Variants in PRKN observed in about 807,000 individuals in gnomAD.
The protein encoded by PRKN is E3 ubiquitin-protein ligase parkin.
Under a neutral mutation model 59.5 loss-of-function variants are expected in PRKN, and 56 were observed. The observed-to-expected ratio is 0.94, with a 90% CI of 0.76 to 1.18. The LOEUF (loss-of-function observed/expected upper bound fraction) is 1.18. Among genes scored for constraint, PRKN ranks in the 50% most tolerant of loss-of-function variants. The probability of loss-of-function intolerance (pLI) is 0.00; values close to 1 mark genes in which losing one functional copy is unlikely to be tolerated. For synonymous variants in PRKN, 250 were observed against 222.1 expected (o/e 1.13, Z -1.12); for missense variants, 657 against 596.4 (o/e 1.10, Z -1.06).
intron 5 of PRKN, among the ~76,000 whole-genome samples, chr6:161,997,420 C>A (rs1464580731): frequency 6.6e-6 from 1 of 152,044 alleles, no homozygotes. Flanking sequence ...ACATCATTTA[C>A]AACTTGTGGG....
Position 161,402,767 on chromosome 6 carries a change from C to T in PRKN, c.1084-15890G>A, listed in dbSNP as rs1459433045. ...TGAGGGGGAGGAGGTTAGAGGAGGG[C>T]AAGGAGAGGAATTGTATGGTGAATA... On this transcript the variant is annotated intron_variant, in intron 9 of 11. Transcript: ENST00000366898. This position sits in a 1 kb window ranked among gnomAD's most constrained non-coding sequence, Gnocchi z 4.5. Among the ~76,000 whole-genome samples, 6 of 151,684 alleles carry T rather than the reference C, an allele frequency of 4.0e-5. No individual in the cohort carries two copies. Among genetic ancestry groups the T allele is most frequent in the African/African-American group, 7.3e-5 (3 of 41,276 alleles).
chr6:162,196,261 C>T (rs1784493545), intron 4 of PRKN, among the ~76,000 whole-genome samples: 1 of 152,126 alleles, frequency 6.6e-6, no homozygotes, highest in Non-Finnish European at 1.5e-5. Flanking sequence ...TCAAATTAAC[C>T]TTACCAGCCC....
chr6:161,641,143 G>A (rs868507173), intron 7 of PRKN, among the ~76,000 whole-genome samples: 3 of 152,186 alleles, frequency 2.0e-5, no homozygotes, highest in Non-Finnish European at 4.4e-5. Context: ...AAACAAAGAC[G>A]GTAACAGCCC....
intron 4 of PRKN, among the ~76,000 whole-genome samples, chr6:162,157,109 C>A (rs74324352): frequency 6.6e-6 from 1 of 151,870 alleles, no homozygotes; most frequent in Non-Finnish European, 1.5e-5. Context: ...TAAAAAAAAA[C>A]TACTGGCAAG....
At chr6:162,209,342 C>T (rs1315265076) in intron 3 of PRKN, among the ~76,000 whole-genome samples, 1 of 152,122 alleles carries the variant, frequency 6.6e-6, no homozygotes, top group Non-Finnish European at 1.5e-5. Flanking sequence ...AGCCAACAGA[C>T]ACATGAAAAA....
intron 7 of PRKN, among the ~76,000 whole-genome samples, chr6:161,683,405 C>G (rs1314452790): frequency 8.5e-5 from 13 of 152,176 alleles, no homozygotes. Flanking sequence ...AAGCAATTTC[C>G]ATTCTAATTG....
intron 2 of PRKN, among the ~76,000 whole-genome samples, chr6:162,409,065 G>C (rs997878432): frequency 3.9e-5 from 6 of 151,996 alleles, no homozygotes; most frequent in African/African-American, 1.5e-4. Context: ...CACAAATAAA[G>C]GAACGATTTG....
intron 2 of PRKN, among the ~76,000 whole-genome samples, chr6:162,329,126 G>C (rs1783452197): frequency 6.6e-6 from 1 of 152,144 alleles, no homozygotes; most frequent in South Asian, 2.1e-4. Context: ...TTTTATTGTA[G>C]ACAAAATAAC....
chr6:162,439,936 A>G (rs1314299155), intron 2 of PRKN, among the ~76,000 whole-genome samples: 1 of 152,186 alleles, frequency 6.6e-6, no homozygotes, highest in African/African-American at 2.4e-5. Context: ...AGATAAAAGT[A>G]TACATGAGTT....
intron 1 of PRKN, among the ~76,000 whole-genome samples, chr6:162,643,375 GTGACAGAGCAAGACTC>G (rs1245514899): frequency 1.7e-5 from 2 of 116,880 alleles, no homozygotes; most frequent in Non-Finnish European, 3.2e-5. Flanking sequence ...TCCAGCCTGG[GTGACAGAGCAAGACTC>G]TGCCTCAAAA....
chr6:162,412,880 GA>G (rs1252815006), intron 2 of PRKN, among the ~76,000 whole-genome samples: 3 of 151,918 alleles, frequency 2.0e-5, no homozygotes, highest in Non-Finnish European at 4.4e-5. Flanking sequence ...TTACAGGACT[GA>G]AAAAAAGAGC....
rs1562458753 is a variant in PRKN, at chr6:162,011,363, T to TATATATAATATATTATATATTTATA, written c.619-37971_619-37947dup. ...TATATATTATAATATATATTTATAA[T>TATATATAATATATTATATATTTATA]ATATATAATATATTATATATTTATA... On this transcript the variant is annotated intron_variant, in intron 5 of 11. Coordinates refer to ENST00000366898, the MANE Select transcript of PRKN (RefSeq NM_004562.3). 4.3e-4 allele frequency among the ~76,000 whole-genome samples: 6 copies of TATATATAATATATTATATATTTATA among 13,986 alleles called. 1 individual carries two copies. Among genetic ancestry groups the TATATATAATATATTATATATTTATA allele is most frequent in the African/African-American group, 1.9e-3 (5 of 2,670 alleles). The allele number at this position is 13,986 out of a possible 152,430, so 9.2% of individuals were successfully genotyped here.
At chr6:162,245,683 A>G (rs1562609969) in intron 3 of PRKN, among the ~76,000 whole-genome samples, 1 of 152,080 alleles carries the variant, frequency 6.6e-6, no homozygotes, top group Non-Finnish European at 1.5e-5. Context: ...GAAATCTGCA[A>G]CCGGGGTTCT....
At chr6:162,529,606 G>A (rs957458762) in intron 1 of PRKN, among the ~76,000 whole-genome samples, 1 of 152,076 alleles carries the variant, frequency 6.6e-6, no homozygotes, top group Non-Finnish European at 1.5e-5. Context: ...CATTTAATAG[G>A]GACTTACGGA....
At chr6:162,560,611 A>G (rs1214079161) in intron 1 of PRKN, among the ~76,000 whole-genome samples, 2 of 152,186 alleles carry the variant, frequency 1.3e-5, no homozygotes, top group Non-Finnish European at 2.9e-5. Context: ...AACTAATGTC[A>G]TAACACCCTT....
Position 161,460,043 on chromosome 6 carries a change from C to A in PRKN, c.1084-73166G>T, listed in dbSNP as rs1790134529. On this transcript the variant is annotated intron_variant, in intron 9 of 11. Coordinates refer to ENST00000366898, the MANE Select transcript of PRKN (RefSeq NM_004562.3). The surrounding 1 kb of genome is among the most constrained non-coding windows in gnomAD (Gnocchi z 5.0). ...CCATCCATCCATCCATTCATCCAACCATTCAACTTTTAATGTGTCCCCACA... is the reference window on the plus strand; with the variant it reads ...CCATCCATCCATCCATTCATCCAACAATTCAACTTTTAATGTGTCCCCACA... 6.6e-6 allele frequency among the ~76,000 whole-genome samples: 1 copy of A among 152,172 alleles called. No homozygotes were observed. The highest frequency in any genetic ancestry group is 2.4e-5 in the African/African-American group (1 of 41,428).
chr6:162,618,013 C>T (rs2846530), intron 1 of PRKN, among the ~76,000 whole-genome samples: 80,688 of 151,882 alleles, frequency 0.53, 22,202 homozygotes, highest in African/African-American at 0.64. Flanking sequence ...TTTCCCAGGA[C>T]GGCAGCTGAT....
At chr6:162,194,552 GT>G (rs999915660) in intron 4 of PRKN, among the ~76,000 whole-genome samples, 24 of 152,022 alleles carry the variant, frequency 1.6e-4, no homozygotes, top group African/African-American at 4.6e-4. Context: ...CCCTGAAATG[GT>G]TTCGATCAAC....
At chr6:161,411,613 T>A (rs1024535229) in intron 9 of PRKN, among the ~76,000 whole-genome samples, 30 of 152,244 alleles carry the variant, frequency 2.0e-4, no homozygotes, top group African/African-American at 7.0e-4. Context: ...CACTCACTCC[T>A]CCACTCATTC....
Sources: gnomAD v4.1 joint callset for allele counts (sites outside exome capture counted in the v4.1 genomes callset) on GRCh38, gnomAD v4.1.1 for gene constraint, Gnocchi (gnomAD v3.1) non-coding constraint, MANE v1.5 for transcripts, NCBI Gene and HGNC (gene_info 2026-07-23, HGNC 2026-07-21) for gene names.